RNF130: variants seen among roughly 807,000 people sequenced by gnomAD.
The protein encoded by RNF130 is ring finger protein 130.
RNF130 carries 21 observed loss-of-function variants against 44.6 expected under a neutral mutation model. That is an observed-to-expected ratio of 0.47 (90% confidence interval 0.33 to 0.68). RNF130 has a LOEUF of 0.68. Among genes scored for constraint, RNF130 ranks in the 30% least tolerant of loss-of-function variants. The pLI, the probability that RNF130 is intolerant of heterozygous loss-of-function variation, is 0.02. For missense variants in RNF130, 479 were observed against 560.6 expected (o/e 0.85, Z 1.47); for synonymous variants, 214 against 210.4 (o/e 1.02, Z -0.15).
chr5:179,954,988 G>C (rs1169407202), downstream of RNF130: 2 of 152,216 alleles, frequency 1.3e-5, no homozygotes, highest in Non-Finnish European at 2.9e-5. Flanking sequence ...TGAGTTTGCT[G>C]TTTTTACAAG....
At chr5:180,036,352 C>T (rs1764249167) in intron 2 of RNF130, among the ~76,000 whole-genome samples, 1 of 152,156 alleles carries the variant, frequency 6.6e-6, no homozygotes, top group Non-Finnish European at 1.5e-5. Context: ...GTCACTGGCT[C>T]TCCTCTGCTA....
At chr5:179,968,342 C>T (rs1462885649) in intron 6 of RNF130, among the ~76,000 whole-genome samples, 3 of 150,374 alleles carry the variant, frequency 2.0e-5, no homozygotes, top group East Asian at 2.0e-4. Context: ...CTAGCGGTAA[C>T]AACAGAGGGT....
At position 180,071,563 on chromosome 5, in the gene RNF130, C is replaced by T; in HGVS notation, c.140G>A (p.Gly47Asp). 6.9e-7 allele frequency: 1 copy of T among 1,441,456 alleles called. No individual in the cohort carries two copies. The highest frequency in any genetic ancestry group is 2.4e-5 in the Admixed American group (1 of 42,324). 89.3% of individuals were successfully genotyped at this position (1,441,456 alleles called of 1,614,324 possible). Residue 47 changes from glycine to aspartate, a missense_variant, in exon 1 of 9, where the codon GGC (glycine) becomes GAC (aspartate). Around this residue, in one of 3 missense-constraint regions of RNF130, gnomAD observed 138 missense variants for 126.9 expected, o/e 1.09. Transcript: ENST00000521389. ...ALINVTVQEPGRGAPLTFRID... is the reference protein window; with the variant it reads ...ALINVTVQEPDRGAPLTFRID... ...GCGAAACGTGAGCGGGGCGCCGCGG[C>T]CGGGCTCCTGCACCGTCACGTTGAT... is the stretch of plus-strand genomic sequence containing the variant.
chr5:180,071,110 G>A (rs1009374604), intron 1 of RNF130, among the ~76,000 whole-genome samples: 1 of 152,154 alleles, frequency 6.6e-6, no homozygotes, highest in African/African-American at 2.4e-5. Flanking sequence ...AATACAGGCT[G>A]AGACGTCCTC....
At chr5:179,992,291 G>A (rs1296062887) in intron 3 of RNF130, among the ~76,000 whole-genome samples, 2 of 152,042 alleles carry the variant, frequency 1.3e-5, no homozygotes, top group South Asian at 2.1e-4. Context: ...ACAGGCACCC[G>A]CCACCATGCC....
rs528573053 is a variant in RNF130, at chr5:179,990,880, C to T, written c.694-10680G>A. ...ATAATATTGGAATAAAGAGTAATTGCTACAAACTAATGATTAATGATATTC... is the reference window on the plus strand; with the variant it reads ...ATAATATTGGAATAAAGAGTAATTGTTACAAACTAATGATTAATGATATTC... On this transcript the variant is annotated intron_variant, in intron 3 of 8. Coordinates refer to ENST00000521389, the MANE Select transcript of RNF130 (RefSeq NM_018434.6). 5.3e-5 allele frequency among the ~76,000 whole-genome samples: 8 copies of T among 152,164 alleles called. No individual in the cohort carries two copies. The South Asian group carries it at 1.7e-3, about 32-fold the overall frequency.
chr5:179,937,933 TGA>T (rs3078901), intron 7 of RNF130, among the ~76,000 whole-genome samples: 8,907 of 115,406 alleles, frequency 0.077, 298 homozygotes, highest in South Asian at 0.16. Flanking sequence ...TGTGTGTGTG[TGA>T]GAGAGAGAGA....
At chr5:179,992,938 T>C (rs1044638539) in intron 3 of RNF130, among the ~76,000 whole-genome samples, 29 of 152,314 alleles carry the variant, frequency 1.9e-4, no homozygotes, top group African/African-American at 5.3e-4. Flanking sequence ...AGTGTTCTCA[T>C]TGTTCAATTC....
At chr5:179,970,588 G>C in intron 5 of RNF130, 82 bp from the exon 6 acceptor site, 3 of 1,068,314 alleles carry the variant, frequency 2.8e-6, no homozygotes, top group Admixed American at 4.7e-5. Flanking sequence ...GGAATTTTTA[G>C]TTAAGTTTTC....
intron 7 of RNF130, among the ~76,000 whole-genome samples, chr5:179,931,156 C>T (rs1312614025): frequency 1.3e-5 from 2 of 151,860 alleles, no homozygotes; most frequent in Admixed American, 6.6e-5. Flanking sequence ...ATGACGTCCA[C>T]GCAAAGCTGG....
chr5:179,917,062 G>T (rs970174949), exon 8 of RNF130: 3 of 152,190 alleles, frequency 2.0e-5, no homozygotes, highest in Admixed American at 6.6e-5. Context: ...GTCGTGGCAG[G>T]TGCCTGTAGT....
intron 2 of RNF130, among the ~76,000 whole-genome samples, chr5:180,023,640 T>C (rs1026406742): frequency 6.6e-6 from 1 of 152,138 alleles, no homozygotes; most frequent in African/African-American, 2.4e-5. Flanking sequence ...CTAGGATAAT[T>C]TGAGTAACAG....
intron 2 of RNF130, among the ~76,000 whole-genome samples, chr5:180,028,214 C>T (rs1483657517): frequency 6.6e-6 from 1 of 152,170 alleles, no homozygotes; most frequent in Admixed American, 6.5e-5. Context: ...CTCTCTGACC[C>T]CTTGGACCTA....
chr5:179,968,857 G>GGACA (rs1762515032), intron 6 of RNF130, among the ~76,000 whole-genome samples: 7 of 152,086 alleles, frequency 4.6e-5, no homozygotes, highest in Admixed American at 3.9e-4. Context: ...CTGCTGAACG[G>GGACA]TCTACGATGC....
Position 180,055,773 on chromosome 5 carries a change from T to C in RNF130, c.248-15126A>G, listed in dbSNP as rs574684898. ...GATACTTCTCTCTTTTTAGCTACTA[T>C]AAAGGGTTAAAAAACAACCATCACC... On this transcript the variant is annotated intron_variant, in intron 1 of 8. Coordinates refer to ENST00000521389, the MANE Select transcript of RNF130 (RefSeq NM_018434.6). Among the ~76,000 whole-genome samples the C allele has an allele frequency of 6.6e-5, 10 of 152,242 alleles. No individual in the cohort carries two copies. The East Asian group carries it at 1.4e-3, about 21-fold the overall frequency.
chr5:180,070,267 G>A (rs1427755217), intron 1 of RNF130, among the ~76,000 whole-genome samples: 2 of 152,178 alleles, frequency 1.3e-5, no homozygotes, highest in African/African-American at 4.8e-5. Context: ...GACCCTAACT[G>A]CCATTTTTAA....
At chr5:180,045,176 A>G (rs141535297) in intron 1 of RNF130, among the ~76,000 whole-genome samples, 22 of 152,380 alleles carry the variant, frequency 1.4e-4, no homozygotes, top group African/African-American at 5.0e-4. Context: ...CTCATTTGCA[A>G]TGAGAGAAGG....
chr5:180,028,799 T>C (rs1404727817), intron 2 of RNF130, among the ~76,000 whole-genome samples: 2 of 152,222 alleles, frequency 1.3e-5, no homozygotes, highest in Admixed American at 6.5e-5. Flanking sequence ...GTACTAGATA[T>C]ATTTTAAACA....
chr5:179,952,718 G>GATAGAATAGA (rs1207120718), downstream of RNF130, among the ~76,000 whole-genome samples: 1 of 152,126 alleles, frequency 6.6e-6, no homozygotes, highest in African/African-American at 2.4e-5. Context: ...ACATTCATAG[G>GATAGAATAGA]ATAGAATAGA....
Sources: allele counts gnomAD v4.1 joint callset (sites outside exome capture counted in the v4.1 genomes callset), GRCh38; gene constraint gnomAD v4.1.1; regional missense constraint gnomAD v4.1.1; transcripts MANE v1.5; gene names NCBI Gene and HGNC (gene_info 2026-07-23, HGNC 2026-07-21).